The following NIBAN1 variants were observed in gnomAD, a reference collection of about 807,000 sequenced individuals.
NIBAN1 encodes the protein niban apoptosis regulator 1.
In NIBAN1, 81 loss-of-function variants were observed where a neutral mutation model predicts 75.1. The ratio of observed to expected loss-of-function variants is 1.08; its 90% confidence interval spans 0.90 to 1.30. NIBAN1 has a LOEUF of 1.30. Ranked by LOEUF, NIBAN1 falls within the 50% of genes most tolerant of loss-of-function variation. NIBAN1 has a pLI of 0.00. For missense variants in NIBAN1, 1,133 were observed against 1,128.1 expected, an observed-to-expected ratio of 1.00 and a Z score of -0.06; for synonymous variants, 436 against 424.8, an observed-to-expected ratio of 1.03 and a Z score of -0.32.
At chr1:184,912,468 G>T (rs1345734472) in intron 1 of NIBAN1, among the ~76,000 whole-genome samples, 1 of 152,046 alleles carries the variant, frequency 6.6e-6, no homozygotes, top group Non-Finnish European at 1.5e-5. Context: ...CACTAGCAGG[G>T]TATAAGAGTT....
At chr1:184,842,468 G>A (rs1186667199) in intron 5 of NIBAN1, among the ~76,000 whole-genome samples, 4 of 152,126 alleles carry the variant, frequency 2.6e-5, no homozygotes, top group African/African-American at 4.8e-5. Context: ...ATCACTTGTG[G>A]TAAGGCCGGG....
At chr1:184,961,819 T>C (rs1238254472) in intron 1 of NIBAN1, among the ~76,000 whole-genome samples, 2 of 152,210 alleles carry the variant, frequency 1.3e-5, no homozygotes, top group South Asian at 2.1e-4. Context: ...TCTTTGCTCT[T>C]ATAAGGAGAC....
rs1484083638 is a variant in NIBAN1 at position 184,968,059 on chromosome 1, C to T, written c.55+6243G>A. ...TCTACTAAAAATACAAAAAATTAGC[C>T]GGGCGCGGTGGCGGGGGCCTGTAGT... On this transcript the variant is annotated intron_variant, in intron 1 of 13. Coordinates refer to ENST00000367511, the MANE Select transcript of NIBAN1 (RefSeq NM_052966.4). Among the ~76,000 whole-genome samples the T allele has an allele frequency of 5.5e-5, 3 of 54,316 alleles. 1 individual carries two copies. The highest frequency in any genetic ancestry group is 6.1e-4 in the East Asian group (2 of 3,260). 35.6% of individuals were successfully genotyped at this position (54,316 alleles called of 152,430 possible).
intron 1 of NIBAN1, among the ~76,000 whole-genome samples, chr1:184,948,420 G>A (rs1658282362): frequency 6.6e-6 from 1 of 152,162 alleles, no homozygotes; most frequent in Admixed American, 6.5e-5. Context: ...TGTGTTCCAA[G>A]AGGTTAGAAA....
In NIBAN1 at chr1:184,791,134, C is replaced by T; in HGVS notation, c.*3843G>A. ...TGCTTTATATAGTGACCGGGAAAGT[C>T]AATCCACAGTGTCGATTTTTTTTCT... On this transcript the variant is annotated 3_prime_UTR_variant, in exon 14 of 14. Coordinates refer to ENST00000367511, the MANE Select transcript of NIBAN1 (RefSeq NM_052966.4). 2.3e-6 allele frequency: 1 copy of T among 443,956 alleles called. No individual in the cohort carries two copies. 27.5% of individuals were successfully genotyped at this position (443,956 alleles called of 1,614,324 possible).
chr1:184,973,352 G>A (rs1658985563), intron 1 of NIBAN1, among the ~76,000 whole-genome samples: 1 of 152,178 alleles, frequency 6.6e-6, no homozygotes, highest in Admixed American at 6.5e-5. Flanking sequence ...TTTCCTCTTA[G>A]GAAAGGATTC....
intron 1 of NIBAN1, among the ~76,000 whole-genome samples, chr1:184,951,529 T>G (rs1443413312): frequency 6.6e-6 from 1 of 152,104 alleles, no homozygotes; most frequent in Non-Finnish European, 1.5e-5. Context: ...TTTTTTCCCC[T>G]CATATTCCAC....
At chr1:184,950,505 G>T (rs767586313) in intron 1 of NIBAN1, among the ~76,000 whole-genome samples, 1 of 152,142 alleles carries the variant, frequency 6.6e-6, no homozygotes, top group Admixed American at 6.5e-5. Flanking sequence ...CATTATGCAC[G>T]CTTTCAGCAG....
chr1:184,917,717 T>A (rs1657431144), intron 1 of NIBAN1, among the ~76,000 whole-genome samples: 1 of 152,042 alleles, frequency 6.6e-6, no homozygotes, highest in Non-Finnish European at 1.5e-5. Context: ...CCCCAATATT[T>A]TTCGTCCAAA....
chr1:184,829,461 A>ACTCTTT lies in NIBAN1; in HGVS notation c.717+2385_717+2386insAAAGAG, dbSNP rs1389813381. 1.8e-4 allele frequency among the ~76,000 whole-genome samples: 15 copies of ACTCTTT among 84,016 alleles called. 5 individuals carry two copies. The highest frequency in any genetic ancestry group is 4.5e-4 in the Admixed American group (3 of 6,698). 55.1% of individuals were successfully genotyped at this position (84,016 alleles called of 152,430 possible). A position where few individuals can be genotyped will look rare whatever the true frequency, so the allele number is the denominator to read the frequency against. ...CAGAAAGGATTTATTAAATACATAT[A>ACTCTTT]TTCTTTTTTTTTTTTTTTTTTTTGA... On this transcript the variant is annotated intron_variant, in intron 6 of 13. Coordinates refer to ENST00000367511, the MANE Select transcript of NIBAN1 (RefSeq NM_052966.4).
At chr1:184,874,395 C>T (rs1475340467) in intron 5 of NIBAN1, among the ~76,000 whole-genome samples, 2 of 151,724 alleles carry the variant, frequency 1.3e-5, no homozygotes, top group Admixed American at 1.3e-4. Flanking sequence ...TGTATATGTA[C>T]CATTTAAGTG....
intron 1 of NIBAN1, among the ~76,000 whole-genome samples, chr1:184,937,326 C>T (rs1024180739): frequency 6.6e-6 from 1 of 151,680 alleles, no homozygotes; most frequent in Non-Finnish European, 1.5e-5. Context: ...TGTGCCTGGC[C>T]CTTAGTAGCT....
chr1:184,888,092 G>A (rs1571548962), intron 4 of NIBAN1: 1 of 152,364 alleles, frequency 6.6e-6, no homozygotes, highest in African/African-American at 2.4e-5. Context: ...GAGAGTCTGA[G>A]GTGGGAGGAT....
At chr1:184,966,498 G>C (rs1658788183) in intron 1 of NIBAN1, among the ~76,000 whole-genome samples, 1 of 152,208 alleles carries the variant, frequency 6.6e-6, no homozygotes, top group Non-Finnish European at 1.5e-5. Flanking sequence ...CAGTTCAGCA[G>C]AATTGTGAGC....
Position 184,795,323 on chromosome 1 carries a change from T to C in NIBAN1, c.2441A>G (p.Glu814Gly), listed in dbSNP as rs150071238. 4.2e-4 allele frequency: 683 copies of C among 1,609,950 alleles called. 3 individuals are homozygous for C. In the African/African-American group the frequency reaches 8.0e-3, roughly 19 times the overall value. The change falls in exon 14 of 14, where the codon GAG becomes GGG. Residue 814 changes from glutamate to glycine, a missense_variant. By Grantham distance (98) the Glu-to-Gly change is moderately conservative. Transcript: ENST00000367511. Reference sequence around the variant, plus strand: ...GAGTGTGCAGGCCTCTCCTGGGAGCTCCCCCTCCATGGGCCCCAGGGGCTC... The same window carrying C: ...GAGTGTGCAGGCCTCTCCTGGGAGCCCCCCCTCCATGGGCCCCAGGGGCTC... ...TEEPLGPMEG[E>G]LPGEACTLTA...
intron 5 of NIBAN1, among the ~76,000 whole-genome samples, chr1:184,865,360 G>C (rs1236617755): frequency 1.3e-5 from 2 of 152,146 alleles, no homozygotes; most frequent in Non-Finnish European, 2.9e-5. Context: ...CACAGGAGCA[G>C]AAAACCAAAT....
chr1:184,823,577 A>C, intron 7 of NIBAN1, 61 bp downstream of exon 7: 1 of 1,564,770 alleles, frequency 6.4e-7, no homozygotes, highest in South Asian at 1.1e-5. Flanking sequence ...GCCCTAAAAG[A>C]AAAGGGAAGA....
chr1:184,831,991 A>G, intron 5 of NIBAN1, 29 bp from the exon 6 acceptor site: 1 of 1,515,056 alleles, frequency 6.6e-7, no homozygotes, highest in Non-Finnish European at 9.2e-7. Flanking sequence ...GGCATTCAGC[A>G]AGATAAAACA....
chr1:184,952,259 C>T (rs944816763), intron 1 of NIBAN1, among the ~76,000 whole-genome samples: 20 of 152,218 alleles, frequency 1.3e-4, no homozygotes, highest in African/African-American at 4.6e-4. Context: ...AAAAAATAAG[C>T]CAGGTGTGGT....
Sources: gnomAD v4.1 joint callset for allele counts (sites outside exome capture counted in the v4.1 genomes callset) on GRCh38, gnomAD v4.1.1 for gene constraint, MANE v1.5 for transcripts, NCBI Gene and HGNC (gene_info 2026-07-23, HGNC 2026-07-21) for gene names.